The following CYP1B1 variants were observed in gnomAD, a reference collection of about 807,000 sequenced individuals.
The protein encoded by CYP1B1 is cytochrome P450 1B1.
A neutral mutation model predicts 29.9 loss-of-function variants in CYP1B1; 22 were observed. That is an observed-to-expected ratio of 0.74 (90% CI 0.53 to 1.05). The LOEUF (loss-of-function observed/expected upper bound fraction) is 1.05. Ranked by LOEUF, CYP1B1 falls within the 50% of genes least tolerant of loss-of-function variation. CYP1B1 has a pLI of 0.00. For missense variants in CYP1B1, 883 were observed against 746.9 expected (o/e 1.18, Z -2.12); for synonymous variants, 375 against 320.0 (o/e 1.17, Z -1.83).
chr2:38,073,036 A>G (rs1052527136), intron 2 of CYP1B1, among the ~76,000 whole-genome samples: 3 of 152,236 alleles, frequency 2.0e-5, no homozygotes, highest in Non-Finnish European at 4.4e-5. Flanking sequence ...TAAAATGCCT[A>G]TCTGCGGATG....
intron 2 of CYP1B1, 140 bp from the exon 3 acceptor site, chr2:38,071,450 G>GAAA: frequency 1.3e-6 from 1 of 784,908 alleles, no homozygotes; most frequent in Non-Finnish European, 2.1e-6. Flanking sequence ...ATATTTCTGG[G>GAAA]AAAAAAATCT....
At position 38,075,873 on chromosome 2, in the gene CYP1B1, C is replaced by T. The variant is rs1682530104; in HGVS notation, c.-95G>A. ...AGGGCAAGACGTCAACAGGAACCCG[C>T]AGGCCCGGCCTGGACACCTGCTGCC... On this transcript the variant is annotated 5_prime_UTR_variant, in exon 1 of 3. Transcript: ENST00000610745. 5.2e-6 allele frequency: 1 copy of T among 193,914 alleles called. No individual in the cohort carries two copies. Among genetic ancestry groups the T allele is most frequent in the Non-Finnish European group, 1.1e-5 (1 of 93,100 alleles). The allele number at this position is 193,914 out of a possible 1,614,324, so 12.0% of individuals were successfully genotyped here. A position where few individuals can be genotyped will look rare whatever the true frequency, so the allele number is the denominator to read the frequency against.
chr2:38,072,157 C>T (rs537268473), intron 2 of CYP1B1, among the ~76,000 whole-genome samples: 2 of 152,328 alleles, frequency 1.3e-5, no homozygotes, highest in South Asian at 4.1e-4. Flanking sequence ...ACCCAGTAAT[C>T]CATGCCTAGA....
rs958596167 is a variant in CYP1B1, at chr2:38,075,662, G to A, written c.-2+118C>T. ...ACGGTTCCTGCAATCTGGGGACAAC[G>A]CTGCGGGCATCGAGGCGGTGGCGCT... On this transcript the variant is annotated intron_variant, in intron 1 of 2. Coordinates refer to ENST00000610745, the MANE Select transcript of CYP1B1 (RefSeq NM_000104.4). 6 of 560,888 alleles carry A rather than the reference G, an allele frequency of 1.1e-5. No individual in the cohort carries two copies. The East Asian group carries it at 1.2e-4, about 11-fold the overall frequency. 34.7% of individuals were successfully genotyped at this position (560,888 alleles called of 1,614,324 possible).
In CYP1B1 at chr2:38,070,460, C is replaced by A; in HGVS notation, c.*262G>T. ...AAAGAATGCTACCTTCAGAAATAACCAAGATGCAGTATGTATATAATAATT... is the reference window on the plus strand; with the variant it reads ...AAAGAATGCTACCTTCAGAAATAACAAAGATGCAGTATGTATATAATAATT... On this transcript the variant is annotated 3_prime_UTR_variant, in exon 3 of 3. Coordinates refer to ENST00000610745, the MANE Select transcript of CYP1B1 (RefSeq NM_000104.4). 2.0e-6 allele frequency: 1 copy of A among 503,900 alleles called. No individual in the cohort carries two copies. The highest frequency in any genetic ancestry group is 3.6e-6 in the Non-Finnish European group (1 of 279,884). 31.2% of individuals were successfully genotyped at this position (503,900 alleles called of 1,614,324 possible). A position where few individuals can be genotyped will look rare whatever the true frequency, so the allele number is the denominator to read the frequency against.
chr2:38,074,613 C>G lies in CYP1B1; in HGVS notation c.776G>C (p.Arg259Pro). 2 of 1,613,590 alleles carry G rather than the reference C, an allele frequency of 1.2e-6. No individual in the cohort carries two copies. The highest frequency in any genetic ancestry group is 1.7e-6 in the Non-Finnish European group (2 of 1,179,998). ...YFPNPVRTVF[R>P]EFEQLNRNFS... ...GTTGCGGTTGAGCTGCTCGAATTCG[C>G]GGAAAACGGTGCGCACCGGGTTGGG... Residue 259 changes from arginine to proline, a missense_variant, in exon 2 of 3, where the codon CGC becomes CCC. Transcript: ENST00000610745.
At position 38,068,461 on chromosome 2, in the gene CYP1B1, T is replaced by G. The variant is rs77534033; in HGVS notation, c.*2261A>C. On this transcript the variant is annotated 3_prime_UTR_variant, in exon 3 of 3. Coordinates refer to ENST00000610745, the MANE Select transcript of CYP1B1 (RefSeq NM_000104.4). Reference sequence around the variant, plus strand: ...GGTTGACATAATGAGGCATCCAGATTGGTTCATGATTATTTTTGCAGCTAC... The same window carrying G: ...GGTTGACATAATGAGGCATCCAGATGGGTTCATGATTATTTTTGCAGCTAC... 1,595 of 225,554 alleles carry G rather than the reference T, an allele frequency of 7.1e-3. 21 individuals carry two copies. Among genetic ancestry groups the G allele is most frequent in the African/African-American group, 0.029 (1,303 of 44,948 alleles). The allele number at this position is 225,554 out of a possible 1,614,324, so 14.0% of individuals were successfully genotyped here. A position where few individuals can be genotyped will look rare whatever the true frequency, so the allele number is the denominator to read the frequency against.
In CYP1B1 at chr2:38,074,400, G is replaced by A. The variant is rs1386966164; in HGVS notation, c.989C>T (p.Ala330Val). ...VPATITDIFG[A>V]SQDTLSTALQ... is the part of the protein sequence containing the mutation. ...CGCGGTGGACAGGGTGTCCTGGCTG[G>A]CGCCGAAGATGTCAGTGATAGTGGC... is the stretch of plus-strand genomic sequence containing the variant. Residue 330 changes from alanine (A) to valine (V), a missense_variant, in exon 2 of 3, where the codon GCC becomes GTC. By Grantham distance (64) the Ala-to-Val change is moderately conservative (BLOSUM62 0). Transcript: ENST00000610745. 3.7e-6 allele frequency: 6 copies of A among 1,613,526 alleles called. No individual in the cohort carries two copies. In the East Asian group the frequency reaches 1.1e-4, roughly 30 times the overall value.
intron 2 of CYP1B1, among the ~76,000 whole-genome samples, chr2:38,072,791 C>T (rs1005622248): frequency 1.3e-5 from 2 of 152,126 alleles, no homozygotes; most frequent in African/African-American, 4.8e-5. Flanking sequence ...TGAACGCAGC[C>T]ATCGACAATG....
intron 2 of CYP1B1, among the ~76,000 whole-genome samples, chr2:38,073,255 A>G (rs1324228481): frequency 2.0e-5 from 3 of 152,244 alleles, no homozygotes; most frequent in African/African-American, 7.2e-5. Flanking sequence ...GGATTTTAAT[A>G]AGGAAAGAGT....
In CYP1B1 at chr2:38,075,357, C is replaced by T; in HGVS notation, c.32G>A (p.Trp11Ter). Residue 11 changes from tryptophan to a stop codon, truncating the protein, a stop_gained, in exon 2 of 3, where the codon TGG becomes TAG. Coordinates refer to ENST00000610745, the MANE Select transcript of CYP1B1 (RefSeq NM_000104.4). LOFTEE classifies it high-confidence loss of function. MGTSLSPNDPWPLNPLSIQQT... is the reference protein window; with the variant it reads MGTSLSPNDP ...CTGGATGGACAGCGGGTTTAGCGGC[C>T]AAGGGTCGTTCGGGCTGAGGCTGGT... 6.2e-7 allele frequency: 1 copy of T among 1,613,174 alleles called. No homozygotes were observed.
chr2:38,073,298 G>A (rs1305149610), intron 2 of CYP1B1: 1 of 152,144 alleles, frequency 6.6e-6, no homozygotes, highest in Non-Finnish European at 1.5e-5. Context: ...TTTCTGTGGC[G>A]CCTGCAGATT....
rs1172587682 is a variant in CYP1B1 at position 38,074,501 on chromosome 2, A to T, written c.888T>A (p.Phe296Leu). Reference protein sequence around the residue: ...GAAPRDMMDAFILSAEKKAAG... With the variant: ...GAAPRDMMDALILSAEKKAAG... The stretch of plus-strand genomic sequence containing the variant: ...CCGCCTTCTTTTCCGCAGAGAGGAT[A>T]AAGGCGTCCATCATGTCGCGGGGGG... Residue 296 changes from phenylalanine (F) to leucine (L), a missense_variant, in exon 2 of 3, where the codon TTT becomes TTA. Transcript: ENST00000610745. 2 of 1,611,104 alleles carry T rather than the reference A, an allele frequency of 1.2e-6. No homozygotes were observed. Among genetic ancestry groups the T allele is most frequent in the Non-Finnish European group, 1.7e-6 (2 of 1,179,028 alleles).
chr2:38,067,962 G>T lies in CYP1B1; in HGVS notation c.*2760C>A, dbSNP rs375588205. The T allele has an allele frequency of 1.6e-4, 31 of 195,968 alleles. No individual in the cohort carries two copies. The highest frequency in any genetic ancestry group is 6.4e-4 in the African/African-American group (28 of 43,464). 12.1% of individuals were successfully genotyped at this position (195,968 alleles called of 1,614,324 possible). Reference sequence around the variant, plus strand: ...GATCTACTAGGAAAATATTAAGGCTGTAGTAACACTTCACAGGTAAAGGCT... The same window carrying T: ...GATCTACTAGGAAAATATTAAGGCTTTAGTAACACTTCACAGGTAAAGGCT... On this transcript the variant is annotated 3_prime_UTR_variant, in exon 3 of 3. Transcript: ENST00000610745.
Position 38,069,747 on chromosome 2 carries a change from T to C in CYP1B1, c.*975A>G, listed in dbSNP as rs2855658. ...TTGTACTTTTCAATTTTCAATATTA[T>C]ACAAGGCATATATTATTCAACCTTT... On this transcript the variant is annotated 3_prime_UTR_variant, in exon 3 of 3. Coordinates refer to ENST00000610745, the MANE Select transcript of CYP1B1 (RefSeq NM_000104.4). 0.53 allele frequency: 104,868 copies of C among 197,520 alleles called. 31,322 individuals carry two copies. The highest frequency in any genetic ancestry group is 0.87 in the East Asian group (11,032 of 12,616). The allele number at this position is 197,520 out of a possible 1,614,324, so 12.2% of individuals were successfully genotyped here.
rs765379360 is a variant in CYP1B1 at position 38,075,336 on chromosome 2, A to C, written c.53T>G (p.Ile18Ser). 75 of 1,613,216 alleles carry C rather than the reference A, an allele frequency of 4.6e-5. No individual in the cohort carries two copies. Among genetic ancestry groups the C allele is most frequent in the Non-Finnish European group, 6.3e-5 (74 of 1,179,938 alleles). The change falls in exon 2 of 3, where the codon ATC becomes AGC. Residue 18 changes from isoleucine (I) to serine (S), a missense_variant. Transcript: ENST00000610745. ...GAGTAGCAGGAGCGTGGTCTGCTGG[A>C]TGGACAGCGGGTTTAGCGGCCAAGG... ...NDPWPLNPLSIQQTTLLLLLS... is the reference protein window; with the variant it reads ...NDPWPLNPLSSQQTTLLLLLS...
intron 1 of CYP1B1, 158 bp from the exon 2 acceptor site, chr2:38,075,547 C>A: frequency 1.4e-6 from 1 of 711,664 alleles, no homozygotes; most frequent in Non-Finnish European, 2.4e-6. Flanking sequence ...TTCCCATCCC[C>A]AACCCACTCT....
chr2:38,073,156 T>C (rs1402982841), intron 2 of CYP1B1, among the ~76,000 whole-genome samples: 1 of 152,244 alleles, frequency 6.6e-6, no homozygotes, highest in East Asian at 1.9e-4. Context: ...GTTTCTATGA[T>C]TTTAATACTA....
Position 38,070,648 on chromosome 2 carries a change from G to T in CYP1B1, c.*74C>A. Reference sequence around the variant, plus strand: ...TGAGAAGCAGCACAAAAGAGGAACTGGAAAAAAACTGAATTTTACTCCTCA... The same window carrying T: ...TGAGAAGCAGCACAAAAGAGGAACTTGAAAAAAACTGAATTTTACTCCTCA... On this transcript the variant is annotated 3_prime_UTR_variant, in exon 3 of 3. Transcript: ENST00000610745. The T allele has an allele frequency of 7.4e-7, 1 of 1,354,172 alleles. No homozygotes were observed. Among genetic ancestry groups the T allele is most frequent in the Non-Finnish European group, 1.1e-6 (1 of 945,466 alleles). The allele number at this position is 1,354,172 out of a possible 1,614,324, so 83.9% of individuals were successfully genotyped here.
Sources: gnomAD v4.1 joint callset for allele counts (sites outside exome capture counted in the v4.1 genomes callset) on GRCh38, gnomAD v4.1.1 for gene constraint, MANE v1.5 for transcripts, NCBI Gene and HGNC (gene_info 2026-07-23, HGNC 2026-07-21) for gene names.